MAPK6: variants seen among roughly 807,000 people sequenced by gnomAD.
MAPK6 encodes ERK-3.
In MAPK6, 19 loss-of-function variants were observed where a neutral mutation model predicts 59.3. The observed-to-expected ratio is 0.32, with a 90% confidence interval of 0.22 to 0.47. MAPK6 has a LOEUF of 0.47. MAPK6 is among the 20% of genes least tolerant of loss of function. The probability of loss-of-function intolerance (pLI) is 1.00; values close to 1 mark genes in which losing one functional copy is unlikely to be tolerated. For synonymous variants in MAPK6, 316 were observed against 290.3 expected, an observed-to-expected ratio of 1.09 and a Z score of -0.90; for missense variants, 724 against 847.9, an observed-to-expected ratio of 0.85 and a Z score of 1.81.
chr15:52,051,086 C>G (rs1404640328), intron 3 of MAPK6, among the ~76,000 whole-genome samples: 1 of 151,688 alleles, frequency 6.6e-6, no homozygotes, highest in Non-Finnish European at 1.5e-5. Context: ...GAGACGGAGT[C>G]TTGCTCTGTC....
At chr15:52,015,043 C>T (rs1025000704), upstream of MAPK6, among the ~76,000 whole-genome samples, 3 of 151,940 alleles carry the variant, frequency 2.0e-5, no homozygotes, top group African/African-American at 7.2e-5. Flanking sequence ...TCTTGTTGCC[C>T]AGGCTGGAGT....
intron 4 of MAPK6, 116 bp downstream of exon 4, chr15:52,058,913 G>A: frequency 1.3e-6 from 1 of 741,432 alleles, no homozygotes; most frequent in Non-Finnish European, 2.0e-6. Context: ...ATAGTCTTTA[G>A]ACACTTAAGG....
chr15:52,008,321 T>C (rs745994807), intron 3 of MAPK6, among the ~76,000 whole-genome samples: 13 of 152,188 alleles, frequency 8.5e-5, no homozygotes, highest in Non-Finnish European at 1.8e-4. Flanking sequence ...TTTTATGTCT[T>C]AGAATGCCAT....
At chr15:51,975,999 G>T (rs2057156143) in intron 1 of MAPK6, among the ~76,000 whole-genome samples, 1 of 151,772 alleles carries the variant, frequency 6.6e-6, no homozygotes, top group African/African-American at 2.4e-5. Flanking sequence ...GGACACGGTG[G>T]CTCACGCCTG....
At chr15:52,014,584 G>A (rs2030179236), upstream of MAPK6, among the ~76,000 whole-genome samples, 2 of 151,760 alleles carry the variant, frequency 1.3e-5, no homozygotes, top group African/African-American at 4.8e-5. Flanking sequence ...GTGCATGCCT[G>A]TAGTCCTAGC....
chr15:52,003,417 A>T (rs2057248564), intron 2 of MAPK6, among the ~76,000 whole-genome samples: 1 of 152,200 alleles, frequency 6.6e-6, no homozygotes. Context: ...ATCAGTCATC[A>T]GATTTGGGCA....
intron 3 of MAPK6, among the ~76,000 whole-genome samples, chr15:52,005,797 C>T (rs1385927336): frequency 1.3e-5 from 2 of 152,094 alleles, no homozygotes; most frequent in Non-Finnish European, 2.9e-5. Flanking sequence ...GGGGCTTACA[C>T]CTAGGTCTGC....
rs2032385407 is a variant in MAPK6, at chr15:52,065,584, ATTC to A, written c.*587_*589del. On this transcript the variant is annotated 3_prime_UTR_variant, in exon 6 of 6. Transcript: ENST00000261845. Reference sequence around the variant, plus strand: ...TAGCCAGCGTTTATTGTAGTAAACTATTCTTAATAAAACTCACTCACTGTTTAT... The same window carrying A: ...TAGCCAGCGTTTATTGTAGTAAACTATTAATAAAACTCACTCACTGTTTAT... 2.0e-5 allele frequency: 3 copies of A among 152,626 alleles called. No individual in the cohort carries two copies. In the South Asian group the frequency reaches 6.2e-4, roughly 32 times the overall value. The allele number at this position is 152,626 out of a possible 1,614,324, so 9.5% of individuals were successfully genotyped here.
At chr15:52,058,571 T>A in intron 3 of MAPK6, 62 bp from the exon 4 acceptor site, 1 of 1,355,846 alleles carries the variant, frequency 7.4e-7, no homozygotes, top group Non-Finnish European at 9.9e-7. Flanking sequence ...TAGTTTAGTA[T>A]GTTTATTGTG....
Position 52,063,910 on chromosome 15 carries a change from A to C in MAPK6, c.1076A>C (p.Asp359Ala). The change falls in exon 6 of 6, where the codon GAT (aspartate) becomes GCT (alanine). Residue 359 changes from aspartate (D) to alanine (A), a missense_variant. Asp to Ala is a moderately radical substitution (Grantham distance 126). This residue lies in a region of MAPK6 where 502 missense variants were observed against 507.6 expected (regional missense o/e 0.99). Transcript: ENST00000261845. ...GTATTGATTTTTTTCAGGTATCATG[A>C]TTGTCAGTTTTCAGAGCATGATTGG... ...SHIYNWERYH[D>A]CQFSEHDWPV... 2.0e-6 allele frequency: 3 copies of C among 1,537,420 alleles called. No individual in the cohort carries two copies. The highest frequency in any genetic ancestry group is 4.5e-5 in the East Asian group (2 of 44,022).
At position 52,067,151 on chromosome 15, in the gene MAPK6, G is replaced by A. The variant is rs566886529; in HGVS notation, c.*2151G>A. 5.9e-5 allele frequency: 9 copies of A among 152,114 alleles called. No homozygotes were observed. Among genetic ancestry groups the A allele is most frequent in the Non-Finnish European group, 1.2e-4 (8 of 68,018 alleles). The allele number at this position is 152,114 out of a possible 1,614,324, so 9.4% of individuals were successfully genotyped here. A position where few individuals can be genotyped will look rare whatever the true frequency, so the allele number is the denominator to read the frequency against. On this transcript the variant is annotated 3_prime_UTR_variant, in exon 6 of 6. Transcript: ENST00000261845. The stretch of plus-strand genomic sequence containing the variant: ...TAGGATTTTTCTTACTGGGAAACTT[G>A]GCTCCTGGACTTAATCCACATTCGT...
chr15:52,066,987 TCAGA>T lies in MAPK6; in HGVS notation c.*1991_*1994del, dbSNP rs900256550. 2.0e-5 allele frequency: 3 copies of T among 152,112 alleles called. No homozygotes were observed. Among genetic ancestry groups the T allele is most frequent in the East Asian group, 1.9e-4 (1 of 5,204 alleles). 9.4% of individuals were successfully genotyped at this position (152,112 alleles called of 1,614,324 possible). ...AGAGGCTTTGAGTGTCATGAGAGCA[TCAGA>T]CAGGATGTAAAGGAAGCAACGGGCA... On this transcript the variant is annotated 3_prime_UTR_variant, in exon 6 of 6. Coordinates refer to ENST00000261845, the MANE Select transcript of MAPK6 (RefSeq NM_002748.4).
In MAPK6 at chr15:52,048,393, C is replaced by T. The variant is rs553166402; in HGVS notation, c.555+1378C>T. Among the ~76,000 whole-genome samples, 10 of 151,852 alleles carry T rather than the reference C, an allele frequency of 6.6e-5. No individual in the cohort carries two copies. The South Asian group carries it at 2.1e-3, about 32-fold the overall frequency. Reference sequence around the variant, plus strand: ...CAGCACTTTGGGAGGCTGAGGCAGGCGGATCACCTGAGGTCAGGAGTTTGA... The same window carrying T: ...CAGCACTTTGGGAGGCTGAGGCAGGTGGATCACCTGAGGTCAGGAGTTTGA... On this transcript the variant is annotated intron_variant, in intron 2 of 5. Coordinates refer to ENST00000261845, the MANE Select transcript of MAPK6 (RefSeq NM_002748.4).
At position 52,067,307 on chromosome 15, in the gene MAPK6, T is replaced by G. The variant is rs1417830898; in HGVS notation, c.*2307T>G. 1 of 152,216 alleles carries G rather than the reference T, an allele frequency of 6.6e-6. No homozygotes were observed. Among genetic ancestry groups the G allele is most frequent in the Non-Finnish European group, 1.5e-5 (1 of 68,032 alleles). The allele number at this position is 152,216 out of a possible 1,614,324, so 9.4% of individuals were successfully genotyped here. A position where few individuals can be genotyped will look rare whatever the true frequency, so the allele number is the denominator to read the frequency against. On this transcript the variant is annotated 3_prime_UTR_variant, in exon 6 of 6. Transcript: ENST00000261845. ...AACCCCTTATATAAAATATGCTTGC[T>G]TTAGGGTGACCCAGGCTGAGTACTA...
In MAPK6 at chr15:52,050,143, T is replaced by C; in HGVS notation, c.700+6T>C. On this transcript the variant is annotated splice_donor_region_variant and intron_variant, in intron 3 of 5. Transcript: ENST00000261845. ...TGGTAAAACCCTTTTTGCAGGTTAGTATTTTGTGGGGGGAAAAATTTTCCC... is the reference window on the plus strand; with the variant it reads ...TGGTAAAACCCTTTTTGCAGGTTAGCATTTTGTGGGGGGAAAAATTTTCCC... 6.3e-7 allele frequency: 1 copy of C among 1,593,482 alleles called. No individual in the cohort carries two copies. The highest frequency in any genetic ancestry group is 8.5e-7 in the Non-Finnish European group (1 of 1,175,676).
At chr15:52,031,818 G>T (rs544506483) in intron 1 of MAPK6, among the ~76,000 whole-genome samples, 1 of 152,222 alleles carries the variant, frequency 6.6e-6, no homozygotes, top group South Asian at 2.1e-4. Flanking sequence ...GGGCAAGCGA[G>T]ATCCTGTCTC....
In MAPK6 at chr15:52,041,941, A is replaced by G. The variant is rs1480331108; in HGVS notation, c.-631-3889A>G. Among the ~76,000 whole-genome samples, 5 of 152,006 alleles carry G rather than the reference A, an allele frequency of 3.3e-5. No homozygotes were observed. In the South Asian group the frequency reaches 6.3e-4, roughly 19 times the overall value. ...TTGTTTGTCTCTAGTCACATGATAA[A>G]CTCCATGAGGGCAGAGCCCAAGTCT... On this transcript the variant is annotated intron_variant, in intron 1 of 5. Transcript: ENST00000261845.
chr15:51,989,791 A>G (rs1435579702), intron 2 of MAPK6, among the ~76,000 whole-genome samples: 1 of 151,886 alleles, frequency 6.6e-6, no homozygotes, highest in Non-Finnish European at 1.5e-5. Flanking sequence ...TTTTGTAGAG[A>G]AAGGGTCTCT....
chr15:52,004,434 G>A (rs770874519), intron 3 of MAPK6: 3 of 152,198 alleles, frequency 2.0e-5, no homozygotes, highest in Non-Finnish European at 4.4e-5. Flanking sequence ...TATAGCGGTT[G>A]TTGGTATCTG....
Sources: gnomAD v4.1 joint callset for allele counts (sites outside exome capture counted in the v4.1 genomes callset) on GRCh38, gnomAD v4.1.1 for gene constraint, gnomAD v4.1.1 regional missense constraint, MANE v1.5 for transcripts, NCBI Gene and HGNC (gene_info 2026-07-23, HGNC 2026-07-21) for gene names.